The following B4GALNT3 variants were observed in gnomAD, a reference collection of about 807,000 sequenced individuals.
B4GALNT3 encodes beta-1,4-N-acetyl-galactosaminyltransferase 3.
A neutral mutation model predicts 120.2 loss-of-function variants in B4GALNT3; 86 were observed. The observed-to-expected ratio is 0.72, with a 90% confidence interval of 0.60 to 0.86. B4GALNT3 has a LOEUF of 0.86. Among genes scored for constraint, B4GALNT3 ranks in the 40% least tolerant of loss-of-function variants. B4GALNT3 has a pLI of 0.00. For missense variants in B4GALNT3, 1,167 were observed against 1,298.9 expected (o/e 0.90, Z 1.56); for synonymous variants, 518 against 510.4 (o/e 1.01, Z -0.20).
chr12:519,105 A>C (rs1946683378), intron 1 of B4GALNT3, among the ~76,000 whole-genome samples: 1 of 152,240 alleles, frequency 6.6e-6, no homozygotes, highest in African/African-American at 2.4e-5. Context: ...CTTTGTGAGA[A>C]GCCTGTATCT....
chr12:471,697 ACT>A lies in B4GALNT3; in HGVS notation c.169+11155_169+11156del, dbSNP rs1160602449. On this transcript the variant is annotated intron_variant, in intron 1 of 19. Transcript: ENST00000266383. The stretch of plus-strand genomic sequence containing the variant: ...ACTACTGCCTGGGCAACAGAGCAAG[ACT>A]CTGTCTCAAAATAATAATAAAAAAT... 2.7e-5 allele frequency among the ~76,000 whole-genome samples: 4 copies of A among 147,352 alleles called. No individual in the cohort carries two copies. In the East Asian group the frequency reaches 7.9e-4, roughly 29 times the overall value.
chr12:533,843 G>C (rs1404875164), intron 1 of B4GALNT3, among the ~76,000 whole-genome samples: 1 of 152,108 alleles, frequency 6.6e-6, no homozygotes, highest in African/African-American at 2.4e-5. Flanking sequence ...TGCAGCCCCT[G>C]ATCCCACCCC....
intron 1 of B4GALNT3, among the ~76,000 whole-genome samples, chr12:464,683 A>C (rs1022656274): frequency 6.6e-6 from 1 of 152,118 alleles, no homozygotes; most frequent in Admixed American, 6.5e-5. Context: ...AAGGGATGAC[A>C]TTTGGGCGCA....
At chr12:499,781 C>G (rs1447470607) in intron 1 of B4GALNT3, among the ~76,000 whole-genome samples, 1 of 152,274 alleles carries the variant, frequency 6.6e-6, no homozygotes, top group Non-Finnish European at 1.5e-5. Context: ...ACTTTATTGG[C>G]TCCAGCGCTT....
chr12:524,657 A>G (rs901738920), intron 1 of B4GALNT3, among the ~76,000 whole-genome samples: 5 of 143,522 alleles, frequency 3.5e-5, no homozygotes, highest in African/African-American at 1.2e-4. Context: ...AAAAAAAAGA[A>G]AAAAGAAAAG....
At chr12:500,884 T>TTTTTTTTTTTTTTTG (rs1946435140) in intron 1 of B4GALNT3, among the ~76,000 whole-genome samples, 1 of 144,500 alleles carries the variant, frequency 6.9e-6, no homozygotes, top group African/African-American at 2.6e-5. Flanking sequence ...TTTTTTTTTT[T>TTTTTTTTTTTTTTTG]TGACACAGGG....
chr12:492,418 G>A (rs11063252), intron 1 of B4GALNT3, among the ~76,000 whole-genome samples: 16,056 of 152,136 alleles, frequency 0.11, 995 homozygotes, highest in East Asian at 0.21. Context: ...CAAAATATTT[G>A]CAAGATCTAG....
At chr12:514,261 G>A (rs1276569481) in intron 1 of B4GALNT3, among the ~76,000 whole-genome samples, 3 of 146,964 alleles carry the variant, frequency 2.0e-5, no homozygotes, top group Admixed American at 1.4e-4. Context: ...GCAGTGGCGC[G>A]ATCTTGGCTC....
At chr12:540,442 G>T (rs570696119) in intron 3 of B4GALNT3, 2 of 152,342 alleles carry the variant, frequency 1.3e-5, no homozygotes, top group South Asian at 4.1e-4. Context: ...TCTGCCTGGG[G>T]ACGTCATAGA....
intron 1 of B4GALNT3, among the ~76,000 whole-genome samples, chr12:488,594 G>A (rs974308002): frequency 1.3e-5 from 2 of 152,244 alleles, no homozygotes; most frequent in East Asian, 3.9e-4. Context: ...ATAGTGTTGT[G>A]TGAAAGTGGA....
At chr12:479,969 A>G (rs575610806) in intron 1 of B4GALNT3, among the ~76,000 whole-genome samples, 314 of 132,394 alleles carry the variant, frequency 2.4e-3, no homozygotes, top group Non-Finnish European at 3.8e-3. Context: ...GCTGGAGTGC[A>G]GTGGCGCCAT....
At chr12:492,199 ATG>A (rs1430051174) in intron 1 of B4GALNT3, among the ~76,000 whole-genome samples, 1 of 152,224 alleles carries the variant, frequency 6.6e-6, no homozygotes, top group Non-Finnish European at 1.5e-5. Context: ...CTGTTCACAG[ATG>A]TCATGATATT....
chr12:552,572 C>T (rs755297315), intron 13 of B4GALNT3, 44 bp downstream of exon 13: 6 of 1,580,116 alleles, frequency 3.8e-6, no homozygotes, highest in Middle Eastern at 1.7e-4. Context: ...CTGAGAGGGG[C>T]GACCATGGTC....
intron 3 of B4GALNT3, among the ~76,000 whole-genome samples, chr12:544,123 G>T (rs2120690461): frequency 7.5e-6 from 1 of 132,496 alleles, no homozygotes; most frequent in Non-Finnish European, 1.7e-5. Context: ...AGCTGGGACG[G>T]GCATGGGGTG....
chr12:482,720 G>T (rs537252254), intron 1 of B4GALNT3, among the ~76,000 whole-genome samples: 1 of 152,246 alleles, frequency 6.6e-6, no homozygotes, highest in South Asian at 2.1e-4. Context: ...ATGCAGCCAG[G>T]CACCGTGGCA....
chr12:561,549 C>A lies in B4GALNT3; in HGVS notation c.*98C>A. 1.0e-6 allele frequency: 1 copy of A among 999,418 alleles called. No homozygotes were observed. Among genetic ancestry groups the A allele is most frequent in the Non-Finnish European group, 1.5e-6 (1 of 675,510 alleles). 61.9% of individuals were successfully genotyped at this position (999,418 alleles called of 1,614,324 possible). ...TCAGGGATGGGGAGTGGGGTGACGG[C>A]TGGACCCCAAGAGGCCTCGAAGCTG... On this transcript the variant is annotated 3_prime_UTR_variant, in exon 20 of 20. Transcript: ENST00000266383.
intron 1 of B4GALNT3, among the ~76,000 whole-genome samples, chr12:525,405 G>A (rs147510025): frequency 2.0e-5 from 3 of 152,256 alleles, no homozygotes; most frequent in Non-Finnish European, 4.4e-5. Context: ...CACTGCGCTC[G>A]GCCAATAACA....
chr12:477,166 C>G (rs899495944), intron 1 of B4GALNT3, among the ~76,000 whole-genome samples: 1 of 152,236 alleles, frequency 6.6e-6, no homozygotes, highest in African/African-American at 2.4e-5. Context: ...CACTCACCCT[C>G]TGCCTTCGCT....
In B4GALNT3 at chr12:548,271, A is replaced by G. The variant is rs1459751834; in HGVS notation, c.827A>G (p.Asp276Gly). The G allele has an allele frequency of 6.2e-7, 1 of 1,613,016 alleles. No homozygotes were observed. The change falls in exon 9 of 20, where the codon GAC becomes GGC. Residue 276 changes from aspartate to glycine, a missense_variant. Transcript: ENST00000266383. This position sits in a 1 kb window ranked among gnomAD's most constrained non-coding sequence, Gnocchi z 4.9. ...CCTGGAGCCAAGTTCACCATCATTG[A>G]CTCCCTCTCCCTGTCCCTCTTCACA... The part of the protein sequence containing the change: ...NDPGAKFTII[D>G]SLSLSLFTNE...
Sources: gnomAD v4.1 joint callset for allele counts (sites outside exome capture counted in the v4.1 genomes callset) on GRCh38, gnomAD v4.1.1 for gene constraint, Gnocchi (gnomAD v3.1) non-coding constraint, MANE v1.5 for transcripts, NCBI Gene and HGNC (gene_info 2026-07-23, HGNC 2026-07-21) for gene names.